The following COG5 variants were observed in gnomAD, a reference collection of about 807,000 sequenced individuals.
COG5 encodes the protein conserved oligomeric Golgi complex subunit 5.
COG5 carries 86 observed loss-of-function variants against 110.4 expected under a neutral mutation model. That is an observed-to-expected ratio of 0.78 (90% confidence interval 0.65 to 0.93). COG5 has a LOEUF of 0.93. Ranked by LOEUF, COG5 falls within the 40% of genes least tolerant of loss-of-function variation. The probability of loss-of-function intolerance (pLI) is 0.00; values close to 1 mark genes in which losing one functional copy is unlikely to be tolerated. For synonymous variants in COG5, 360 were observed against 334.6 expected, an observed-to-expected ratio of 1.08 and a Z score of -0.83; for missense variants, 1,077 against 987.0, an observed-to-expected ratio of 1.09 and a Z score of -1.22.
intron 6 of COG5, among the ~76,000 whole-genome samples, chr7:107,488,390 G>A (rs748673668): frequency 6.6e-6 from 1 of 152,110 alleles, no homozygotes; most frequent in Non-Finnish European, 1.5e-5. Context: ...TTGAGACTAA[G>A]TTGTTGACTA....
intron 7 of COG5, among the ~76,000 whole-genome samples, chr7:107,385,801 TTTTC>T (rs1790143600): frequency 6.7e-6 from 1 of 148,870 alleles, no homozygotes. Flanking sequence ...ACGCTTGTTA[TTTTC>T]TTTTTTTTTT....
chr7:107,324,471 T>A lies in COG5; in HGVS notation c.1077A>T (p.Ala359=), dbSNP rs1450409669. 3 of 1,605,834 alleles carry A rather than the reference T, an allele frequency of 1.9e-6. No individual in the cohort carries two copies. The highest frequency in any genetic ancestry group is 2.6e-6 in the Non-Finnish European group (3 of 1,175,350). The change falls in exon 11 of 22, where the codon GCA becomes GCT. Residue 359 remains alanine (A), a synonymous_variant. Transcript: ENST00000297135. ...TTGCCATATGAAATTGAGAAGAAAG[T>A]GCCTGAGTAACTGAATTCCAAAATG... is the stretch of plus-strand genomic sequence containing the variant. The part of the protein sequence containing the change: ...FYTFWNSVTQ[A]LSSQFHMATN...
intron 11 of COG5, among the ~76,000 whole-genome samples, chr7:107,317,080 C>T (rs939652725): frequency 6.6e-6 from 1 of 151,946 alleles, no homozygotes; most frequent in Non-Finnish European, 1.5e-5. Context: ...ATTTACCAAC[C>T]TATCTGAAAC....
intron 6 of COG5, among the ~76,000 whole-genome samples, chr7:107,512,710 TG>T (rs1384927538): frequency 6.6e-6 from 1 of 152,080 alleles, no homozygotes; most frequent in African/African-American, 2.4e-5. Flanking sequence ...TATAGACCAA[TG>T]GAACAGAACA....
At chr7:107,315,221 A>C (rs3801959) in intron 11 of COG5, among the ~76,000 whole-genome samples, 1 of 151,582 alleles carries the variant, frequency 6.6e-6, no homozygotes, top group Admixed American at 6.6e-5. Context: ...TAATTCTTGG[A>C]AAGATTTGAC....
intron 21 of COG5, among the ~76,000 whole-genome samples, chr7:107,207,266 T>G (rs1798852243): frequency 6.6e-6 from 1 of 152,182 alleles, no homozygotes. Flanking sequence ...AGGTAGCTAG[T>G]GACATGGTAC....
chr7:107,404,898 A>T, intron 7 of COG5, among the ~76,000 whole-genome samples: 1 of 151,548 alleles, frequency 6.6e-6, no homozygotes, highest in East Asian at 1.9e-4. Context: ...AAAAAAAAAA[A>T]AAAAAAAAAA....
At chr7:107,441,520 T>C (rs1196054011) in intron 6 of COG5, among the ~76,000 whole-genome samples, 1 of 152,172 alleles carries the variant, frequency 6.6e-6, no homozygotes, top group Non-Finnish European at 1.5e-5. Flanking sequence ...CAATCCAATG[T>C]TTGACCTGTA....
At chr7:107,490,959 C>T (rs751004353) in intron 6 of COG5, among the ~76,000 whole-genome samples, 3 of 152,096 alleles carry the variant, frequency 2.0e-5, no homozygotes, top group Non-Finnish European at 2.9e-5. Context: ...AATACCTAGC[C>T]TCCATGTGCC....
At chr7:107,491,389 A>G (rs1380211462) in intron 6 of COG5, among the ~76,000 whole-genome samples, 1 of 151,944 alleles carries the variant, frequency 6.6e-6, no homozygotes, top group Non-Finnish European at 1.5e-5. Flanking sequence ...ATTTTATCCT[A>G]CTCACTCTCT....
At chr7:107,229,232 C>T (rs1322307666) in intron 19 of COG5, among the ~76,000 whole-genome samples, 5 of 152,128 alleles carry the variant, frequency 3.3e-5, no homozygotes, top group Admixed American at 3.3e-4. Flanking sequence ...AGGCAGATCA[C>T]GAGGAGAGGA....
At chr7:107,265,864 G>T (rs1803757221) in intron 14 of COG5, among the ~76,000 whole-genome samples, 1 of 152,018 alleles carries the variant, frequency 6.6e-6, no homozygotes, top group African/African-American at 2.4e-5. Flanking sequence ...AGACCAACCT[G>T]AGCAACATAG....
intron 8 of COG5, among the ~76,000 whole-genome samples, chr7:107,367,239 T>C (rs529264607): frequency 9.9e-5 from 15 of 152,026 alleles, no homozygotes; most frequent in African/African-American, 3.4e-4. Context: ...CACCACCAAC[T>C]ACACAAGGAC....
intron 6 of COG5, among the ~76,000 whole-genome samples, chr7:107,469,170 C>A (rs891609916): frequency 6.6e-6 from 1 of 151,320 alleles, no homozygotes; most frequent in African/African-American, 2.4e-5. Flanking sequence ...TTACTTTATC[C>A]TTTAAAATAA....
intron 6 of COG5, chr7:107,450,435 G>A (rs1217660662): frequency 6.6e-6 from 1 of 152,186 alleles, no homozygotes; most frequent in Non-Finnish European, 1.5e-5. Flanking sequence ...AAAAAATCAA[G>A]GTAACAGGAG....
intron 6 of COG5, among the ~76,000 whole-genome samples, chr7:107,510,965 T>G (rs1467999163): frequency 6.6e-6 from 1 of 152,004 alleles, no homozygotes; most frequent in African/African-American, 2.4e-5. Flanking sequence ...ATTGACACCC[T>G]AACGTCACAA....
intron 1 of COG5, 75 bp from the exon 2 acceptor site, chr7:107,558,190 A>G: frequency 6.9e-7 from 1 of 1,448,648 alleles, no homozygotes; most frequent in Non-Finnish European, 9.6e-7. Context: ...CAGAACAATT[A>G]TAATCATAAT....
Position 107,459,053 on chromosome 7 carries a change from A to C in COG5, c.539-46421T>G, listed in dbSNP as rs970884565. ...AGGAAACAGAAAAAATGAACAAGGA[A>C]TACATGGAACAAACAGAACAAATGA... On this transcript the variant is annotated intron_variant, in intron 6 of 21. Coordinates refer to ENST00000297135, the MANE Select transcript of COG5 (RefSeq NM_006348.5). Among the ~76,000 whole-genome samples the C allele has an allele frequency of 1.1e-4, 17 of 152,058 alleles. 1 individual carries two copies.
intron 7 of COG5, among the ~76,000 whole-genome samples, chr7:107,393,955 GA>G (rs1260325965): frequency 1.0e-4 from 15 of 149,968 alleles, no homozygotes; most frequent in African/African-American, 3.4e-4. Context: ...GGGTAGAAAA[GA>G]TATTTATTAT....
Sources: allele counts gnomAD v4.1 joint callset (sites outside exome capture counted in the v4.1 genomes callset), GRCh38; gene constraint gnomAD v4.1.1; transcripts MANE v1.5; gene names NCBI Gene and HGNC (gene_info 2026-07-23, HGNC 2026-07-21).